Variants in HOXC11 observed in about 807,000 individuals in gnomAD.
HOXC11 encodes the protein homeobox protein Hox-C11.
In HOXC11, 17 loss-of-function variants were observed where a neutral mutation model predicts 23.6. That is an observed-to-expected ratio of 0.72 (90% CI 0.49 to 1.08). HOXC11 has a LOEUF of 1.08. HOXC11 is among the 50% of genes least tolerant of loss of function. The probability of loss-of-function intolerance (pLI) is 0.00; values close to 1 mark genes in which losing one functional copy is unlikely to be tolerated. For missense variants in HOXC11, 413 were observed against 412.1 expected (o/e 1.00, Z -0.02); for synonymous variants, 196 against 183.8 (o/e 1.07, Z -0.54).
chr12:53,975,277 A>G lies in HOXC11; in HGVS notation c.779A>G (p.Glu260Gly). 1 of 1,613,556 alleles carries G rather than the reference A, an allele frequency of 6.2e-7. No homozygotes were observed. Among genetic ancestry groups the G allele is most frequent in the Non-Finnish European group, 8.5e-7 (1 of 1,179,810 alleles). ...EFFFNVYINKEKRLQLSRMLN... is the reference protein window; with the variant it reads ...EFFFNVYINKGKRLQLSRMLN... The stretch of plus-strand genomic sequence containing the variant: ...TTCTTCAACGTGTATATCAACAAAG[A>G]GAAGCGGCTGCAGCTGTCCCGGATG... The change falls in exon 2 of 2, where the codon GAG becomes GGG. Residue 260 changes from glutamate to glycine, a missense_variant. Coordinates refer to ENST00000546378, the MANE Select transcript of HOXC11 (RefSeq NM_014212.4).
intron 1 of HOXC11, chr12:53,974,860 G>C (rs1044600276): frequency 7.2e-5 from 20 of 277,952 alleles, no homozygotes; most frequent in African/African-American, 3.3e-4. Flanking sequence ...GAGGGCGGAG[G>C]GGGAGCAGAC....
chr12:53,974,322 G>A (rs986136349), intron 1 of HOXC11, among the ~76,000 whole-genome samples: 8 of 151,700 alleles, frequency 5.3e-5, no homozygotes, highest in African/African-American at 1.9e-4. Context: ...GGAGGGGAGG[G>A]GTGGAGGGGG....
chr12:53,973,448 G>C lies in HOXC11; in HGVS notation c.207G>C (p.Pro69=). Residue 69 remains proline, a synonymous_variant, in exon 1 of 2, where the codon CCG becomes CCC. Transcript: ENST00000546378. The surrounding 1 kb of genome is among the most constrained non-coding windows in gnomAD (Gnocchi z 4.3). The stretch of plus-strand genomic sequence containing the variant: ...ATCCCTACTCGGCCCAAGTGCCCCC[G>C]GTCCGGGAGGTCTCCTACGGCCTGG... The part of the protein sequence containing the change: ...ISYPYSAQVP[P]VREVSYGLEP... 6.2e-7 allele frequency: 1 copy of C among 1,613,964 alleles called. No individual in the cohort carries two copies. Among genetic ancestry groups the C allele is most frequent in the Non-Finnish European group, 8.5e-7 (1 of 1,179,992 alleles).
In HOXC11 at chr12:53,975,248, G is replaced by A; in HGVS notation, c.750G>A (p.Glu250=). 6.2e-7 allele frequency: 1 copy of A among 1,613,006 alleles called. No individual in the cohort carries two copies. Among genetic ancestry groups the A allele is most frequent in the South Asian group, 1.1e-5 (1 of 91,026 alleles). The change falls in exon 2 of 2, where the codon GAG becomes GAA. Residue 250 remains glutamate, a synonymous_variant. Coordinates refer to ENST00000546378, the MANE Select transcript of HOXC11 (RefSeq NM_014212.4). ...SKFQIRELER[E]FFFNVYINKE... ...TCCAGATCCGGGAACTGGAGCGAGA[G>A]TTTTTCTTCAACGTGTATATCAACA...
Position 53,975,692 on chromosome 12 carries a change from T to G in HOXC11, c.*279T>G, listed in dbSNP as rs942417192. 39 of 561,696 alleles carry G rather than the reference T, an allele frequency of 6.9e-5. No homozygotes were observed. The highest frequency in any genetic ancestry group is 6.7e-4 in the African/African-American group (35 of 52,396). The allele number at this position is 561,696 out of a possible 1,614,324, so 34.8% of individuals were successfully genotyped here. ...TGGCGCCGAGGCCAAGACTTTGATT[T>G]AAAAGAAAACACACCTCGGCGACAA... is the stretch of plus-strand genomic sequence containing the variant. On this transcript the variant is annotated 3_prime_UTR_variant, in exon 2 of 2. Coordinates refer to ENST00000546378, the MANE Select transcript of HOXC11 (RefSeq NM_014212.4).
Position 53,973,679 on chromosome 12 carries a change from C to T in HOXC11, c.438C>T (p.Val146=). ...GFYSSVNKNS[V]LPQAFDRFFD... ...ACTCCTCAGTCAACAAGAACAGCGT[C>T]CTGCCTCAAGCCTTCGACCGTTTCT... The change falls in exon 1 of 2, where the codon GTC becomes GTT. Residue 146 remains valine, a synonymous_variant. Transcript: ENST00000546378. This position sits in a 1 kb window ranked among gnomAD's most constrained non-coding sequence, Gnocchi z 4.3. 1 of 1,613,756 alleles carries T rather than the reference C, an allele frequency of 6.2e-7. No homozygotes were observed. Among genetic ancestry groups the T allele is most frequent in the Non-Finnish European group, 8.5e-7 (1 of 1,180,036 alleles).
In HOXC11 at chr12:53,973,874, C is replaced by T. The variant is rs775428321; in HGVS notation, c.633C>T (p.Ser211=). 6.8e-6 allele frequency: 10 copies of T among 1,460,010 alleles called. No homozygotes were observed. Among genetic ancestry groups the T allele is most frequent in the Non-Finnish European group, 9.0e-6 (10 of 1,106,826 alleles). 90.4% of individuals were successfully genotyped at this position (1,460,010 alleles called of 1,614,324 possible). ...AGGAGAACACAAATCCCAGCTCGTC[C>T]GGTTCAGCCCACTCCGTGGCCAAGG... The part of the protein sequence containing the change: ...AEEENTNPSS[S]GSAHSVAKEP... The change falls in exon 1 of 2, where the codon TCC becomes TCT. Residue 211 remains serine (S), a synonymous_variant. Transcript: ENST00000546378. The surrounding 1 kb of genome is among the most constrained non-coding windows in gnomAD (Gnocchi z 4.3).
Position 53,973,802 on chromosome 12 carries a change from G to T in HOXC11, c.561G>T (p.Ser187=). The change falls in exon 1 of 2, where the codon TCG becomes TCT. Residue 187 remains serine, a synonymous_variant. Coordinates refer to ENST00000546378, the MANE Select transcript of HOXC11 (RefSeq NM_014212.4). The surrounding 1 kb of genome is among the most constrained non-coding windows in gnomAD (Gnocchi z 4.3). ...AKGEPEAPPA[S]GLASRAEAGA... is the part of the protein sequence containing the mutation. The stretch of plus-strand genomic sequence containing the variant: ...GGGAGCCCGAGGCACCCCCGGCCTC[G>T]GGACTGGCGTCCCGGGCTGAGGCGG... 6.3e-7 allele frequency: 1 copy of T among 1,577,182 alleles called. No homozygotes were observed. The highest frequency in any genetic ancestry group is 1.1e-5 in the South Asian group (1 of 87,434).
rs533523406 is a variant in HOXC11, at chr12:53,976,137, T to C, written c.*724T>C. 1.2e-3 allele frequency: 276 copies of C among 228,924 alleles called. 3 individuals carry two copies. Among genetic ancestry groups the C allele is most frequent in the East Asian group, 0.012 (190 of 16,226 alleles). 14.2% of individuals were successfully genotyped at this position (228,924 alleles called of 1,614,324 possible). On this transcript the variant is annotated 3_prime_UTR_variant, in exon 2 of 2. Coordinates refer to ENST00000546378, the MANE Select transcript of HOXC11 (RefSeq NM_014212.4). ...ATGCAGTCGTTACCTCTTTTTTTTTTTTTTTTAAGAAAATTGAAGATTGGG... is the reference window on the plus strand; with the variant it reads ...ATGCAGTCGTTACCTCTTTTTTTTTCTTTTTTAAGAAAATTGAAGATTGGG...
Position 53,975,631 on chromosome 12 carries a change from A to G in HOXC11, c.*218A>G. ...AGGGACCGGGCCTGGAAAGGGGGTG[A>G]AGGGAAGTGTCTGATGCACGGCGAG... On this transcript the variant is annotated 3_prime_UTR_variant, in exon 2 of 2. Transcript: ENST00000546378. 1.6e-6 allele frequency: 1 copy of G among 628,066 alleles called. No individual in the cohort carries two copies. Among genetic ancestry groups the G allele is most frequent in the Non-Finnish European group, 2.8e-6 (1 of 353,208 alleles). The allele number at this position is 628,066 out of a possible 1,614,324, so 38.9% of individuals were successfully genotyped here.
chr12:53,976,362 G>A lies in HOXC11; in HGVS notation c.*949G>A, dbSNP rs1939259931. ...CACTCCCCACCCTGCTCCCTTCCCA[G>A]AGGGATTGCTGTGAAATTTTTTTGG... is the stretch of plus-strand genomic sequence containing the variant. On this transcript the variant is annotated 3_prime_UTR_variant, in exon 2 of 2. Transcript: ENST00000546378. 2 of 216,654 alleles carry A rather than the reference G, an allele frequency of 9.2e-6. No individual in the cohort carries two copies. Among genetic ancestry groups the A allele is most frequent in the Non-Finnish European group, 1.9e-5 (2 of 107,368 alleles). 13.4% of individuals were successfully genotyped at this position (216,654 alleles called of 1,614,324 possible).
chr12:53,973,185 C>G lies in HOXC11; in HGVS notation c.-57C>G. 2.1e-6 allele frequency: 3 copies of G among 1,413,362 alleles called. No homozygotes were observed. In the Admixed American group the frequency reaches 6.8e-5, roughly 32 times the overall value. 87.6% of individuals were successfully genotyped at this position (1,413,362 alleles called of 1,614,324 possible). A position where few individuals can be genotyped will look rare whatever the true frequency, so the allele number is the denominator to read the frequency against. On this transcript the variant is annotated 5_prime_UTR_variant, in exon 1 of 2. Transcript: ENST00000546378. The surrounding 1 kb of genome is among the most constrained non-coding windows in gnomAD (Gnocchi z 4.3). Reference sequence around the variant, plus strand: ...CGTCATCTCGCCTTCCCAAATTTTCCCCCCTCGCTAGACCGGGTCCAAAAC... The same window carrying G: ...CGTCATCTCGCCTTCCCAAATTTTCGCCCCTCGCTAGACCGGGTCCAAAAC...
chr12:53,977,074 T>A lies in HOXC11; in HGVS notation c.*1661T>A, dbSNP rs1418544952. On this transcript the variant is annotated 3_prime_UTR_variant, in exon 2 of 2. Coordinates refer to ENST00000546378, the MANE Select transcript of HOXC11 (RefSeq NM_014212.4). ...TGGGGCCACCCTGATGTTTATACAT[T>A]GGGTGTCCCACAGTAGAAAGCCCCA... 6.6e-6 allele frequency: 1 copy of A among 152,208 alleles called. No individual in the cohort carries two copies. The highest frequency in any genetic ancestry group is 2.4e-5 in the African/African-American group (1 of 41,452). 9.4% of individuals were successfully genotyped at this position (152,208 alleles called of 1,614,324 possible). A position where few individuals can be genotyped will look rare whatever the true frequency, so the allele number is the denominator to read the frequency against.
At position 53,973,136 on chromosome 12, in the gene HOXC11, A is replaced by C. The variant is rs567250610; in HGVS notation, c.-106A>C. On this transcript the variant is annotated 5_prime_UTR_variant, in exon 1 of 2. Coordinates refer to ENST00000546378, the MANE Select transcript of HOXC11 (RefSeq NM_014212.4). The surrounding 1 kb of genome is among the most constrained non-coding windows in gnomAD (Gnocchi z 4.3). The stretch of plus-strand genomic sequence containing the variant: ...TCTACTTTGGATCACGTGCTCAGAG[A>C]GAGAGAGACTAAGACGGATAACGCG... The C allele has an allele frequency of 7.6e-4, 625 of 820,300 alleles. 2 individuals carry two copies. The highest frequency in any genetic ancestry group is 1.1e-3 in the Non-Finnish European group (591 of 530,054). The allele number at this position is 820,300 out of a possible 1,614,324, so 50.8% of individuals were successfully genotyped here. A position where few individuals can be genotyped will look rare whatever the true frequency, so the allele number is the denominator to read the frequency against.
rs140304286 is a variant in HOXC11, at chr12:53,976,321, T to G, written c.*908T>G. ...ACGCATCTCTACTCCTCTGCGTGAG[T>G]GCGTGTGTACATGTGCACTCCCCAC... On this transcript the variant is annotated 3_prime_UTR_variant, in exon 2 of 2. Coordinates refer to ENST00000546378, the MANE Select transcript of HOXC11 (RefSeq NM_014212.4). 2.4e-3 allele frequency: 548 copies of G among 223,824 alleles called. 3 individuals are homozygous for G. Among genetic ancestry groups the G allele is most frequent in the African/African-American group, 0.011 (511 of 44,790 alleles). 13.9% of individuals were successfully genotyped at this position (223,824 alleles called of 1,614,324 possible).
chr12:53,975,446 A>AG lies in HOXC11; in HGVS notation c.*37dup. 1.2e-6 allele frequency: 1 copy of AG among 809,700 alleles called. No homozygotes were observed. Among genetic ancestry groups the AG allele is most frequent in the Middle Eastern group, 3.2e-4 (1 of 3,164 alleles). The allele number at this position is 809,700 out of a possible 1,614,324, so 50.2% of individuals were successfully genotyped here. On this transcript the variant is annotated 3_prime_UTR_variant, in exon 2 of 2. Coordinates refer to ENST00000546378, the MANE Select transcript of HOXC11 (RefSeq NM_014212.4). ...ACCGGGCCCTTTTGGGGGCGGGGGG[A>AG]GGGGAAAATTATTTTATTTTATTTT...
rs1939239253 is a variant in HOXC11 at position 53,975,453 on chromosome 12, A to C, written c.*40A>C. ...CCTTTTGGGGGCGGGGGGAGGGGAA[A>C]ATTATTTTATTTTATTTTTATTTTT... On this transcript the variant is annotated 3_prime_UTR_variant, in exon 2 of 2. Transcript: ENST00000546378. The C allele has an allele frequency of 5.2e-6, 6 of 1,147,844 alleles. No homozygotes were observed. The highest frequency in any genetic ancestry group is 2.5e-5 in the East Asian group (1 of 40,408). 71.1% of individuals were successfully genotyped at this position (1,147,844 alleles called of 1,614,324 possible).
intron 1 of HOXC11, 169 bp from the exon 2 acceptor site, chr12:53,975,012 C>CGA: frequency 1.7e-6 from 1 of 580,112 alleles, no homozygotes; most frequent in South Asian, 2.1e-5. Flanking sequence ...GGCAGGGGGT[C>CGA]GAGGCTTGCC....
rs1939281067 is a variant in HOXC11 at position 53,977,438 on chromosome 12, G to A, written c.*2025G>A. 1 of 152,168 alleles carries A rather than the reference G, an allele frequency of 6.6e-6. No individual in the cohort carries two copies. The highest frequency in any genetic ancestry group is 2.1e-4 in the South Asian group (1 of 4,826). The allele number at this position is 152,168 out of a possible 1,614,324, so 9.4% of individuals were successfully genotyped here. A position where few individuals can be genotyped will look rare whatever the true frequency, so the allele number is the denominator to read the frequency against. On this transcript the variant is annotated 3_prime_UTR_variant, in exon 2 of 2. Transcript: ENST00000546378. ...GATGGTAGGAATCCCTGCAGCTTAGGTATCTAAATTTCTAATTTGTAAACG... is the reference window on the plus strand; with the variant it reads ...GATGGTAGGAATCCCTGCAGCTTAGATATCTAAATTTCTAATTTGTAAACG...
Sources: gnomAD v4.1 joint callset for allele counts (sites outside exome capture counted in the v4.1 genomes callset) on GRCh38, gnomAD v4.1.1 for gene constraint, Gnocchi (gnomAD v3.1) non-coding constraint, MANE v1.5 for transcripts, NCBI Gene and HGNC (gene_info 2026-07-23, HGNC 2026-07-21) for gene names.